Variants in MRGPRX2 observed in about 807,000 individuals in gnomAD.
MRGPRX2 encodes the protein mas-related G protein-coupled receptor member X2.
For synonymous variants in MRGPRX2, 183 were observed against 175.6 expected (o/e 1.04, Z -0.33); for missense variants, 389 against 404.5 (o/e 0.96, Z 0.33).
chr11:19,055,697 C>T lies in MRGPRX2; in HGVS notation c.706G>A (p.Gly236Ser), dbSNP rs747335673. 5 of 1,614,134 alleles carry T rather than the reference C, an allele frequency of 3.1e-6. No individual in the cohort carries two copies. The South Asian group carries it at 4.4e-5, about 14-fold the overall frequency. Reference sequence around the variant, plus strand: ...AACCACTGAATGCCAAAGGGCAGGCCGCAGAGGAGGAACACCAGCACTGTG... The same window carrying T: ...AACCACTGAATGCCAAAGGGCAGGCTGCAGAGGAGGAACACCAGCACTGTG... Reference protein sequence around the residue: ...LLTVLVFLLCGLPFGIQWFLI... With the variant: ...LLTVLVFLLCSLPFGIQWFLI... Residue 236 changes from glycine (G) to serine (S), a missense_variant, in exon 2 of 2, where the codon GGC becomes AGC. Physicochemically the swap from Gly to Ser is moderately conservative, Grantham distance 56. Coordinates refer to ENST00000329773, the MANE Select transcript of MRGPRX2 (RefSeq NM_054030.4).
rs570926518 is a variant in MRGPRX2, at chr11:19,056,063, G to C, written c.340C>G (p.Leu114Val). The part of the protein sequence containing the change: ...FFTTVMTCAY[L>V]AGLSMLSTVS... ...GTGCTCAGCATGCTCAGGCCTGCAA[G>C]GTAGGCACAGGTCATCACAGTGGTG... Residue 114 changes from leucine to valine, a missense_variant, in exon 2 of 2, where the codon CTT (leucine) becomes GTT (valine). Transcript: ENST00000329773. The C allele has an allele frequency of 5.6e-6, 9 of 1,614,234 alleles. No individual in the cohort carries two copies. The highest frequency in any genetic ancestry group is 7.6e-6 in the Non-Finnish European group (9 of 1,180,048).
At chr11:19,059,645 T>C (rs77080687) in intron 1 of MRGPRX2, among the ~76,000 whole-genome samples, 2,921 of 152,162 alleles carry the variant, frequency 0.019, 128 homozygotes, top group East Asian at 0.18. Context: ...GAGAAATTGA[T>C]TCAATCACAT....
In MRGPRX2 at chr11:19,055,700, A is replaced by AGAGGAGGAACACCAGCACTGT. The variant is rs1849608497; in HGVS notation, c.682_702dup (p.Thr228_Leu234dup). The AGAGGAGGAACACCAGCACTGT allele has an allele frequency of 6.2e-7, 1 of 1,614,102 alleles. No individual in the cohort carries two copies. Among genetic ancestry groups the AGAGGAGGAACACCAGCACTGT allele is most frequent in the African/African-American group, 1.3e-5 (1 of 74,944 alleles). On this transcript the variant is annotated inframe_insertion, in exon 2 of 2. Coordinates refer to ENST00000329773, the MANE Select transcript of MRGPRX2 (RefSeq NM_054030.4). ...CACTGAATGCCAAAGGGCAGGCCGC[A>AGAGGAGGAACACCAGCACTGT]GAGGAGGAACACCAGCACTGTGAGC... is the stretch of plus-strand genomic sequence containing the variant.
chr11:19,056,507 C>T, intron 1 of MRGPRX2, 80 bp from the exon 2 acceptor site: 2 of 1,349,746 alleles, frequency 1.5e-6, no homozygotes, highest in Admixed American at 2.2e-5. Flanking sequence ...GTAATTACCG[C>T]CCCTGTTTTA....
intron 1 of MRGPRX2, among the ~76,000 whole-genome samples, chr11:19,059,559 A>G (rs1017098481): frequency 6.6e-6 from 1 of 152,128 alleles, no homozygotes; most frequent in Non-Finnish European, 1.5e-5. Context: ...ATTTATGATG[A>G]TAGTGAGAGA....
In MRGPRX2 at chr11:19,054,541, C is replaced by T. The variant is rs755889368; in HGVS notation, c.*869G>A. 3 of 152,092 alleles carry T rather than the reference C, an allele frequency of 2.0e-5. No homozygotes were observed. Among genetic ancestry groups the T allele is most frequent in the Admixed American group, 6.5e-5 (1 of 15,276 alleles). The allele number at this position is 152,092 out of a possible 1,614,324, so 9.4% of individuals were successfully genotyped here. On this transcript the variant is annotated 3_prime_UTR_variant, in exon 2 of 2. Transcript: ENST00000329773. Reference sequence around the variant, plus strand: ...AACAAAATAAATGCTCCGAGTTCTTCGGAATAAAAGGTAAATCTGACATAC... The same window carrying T: ...AACAAAATAAATGCTCCGAGTTCTTTGGAATAAAAGGTAAATCTGACATAC...
At chr11:19,059,322 C>T (rs775389710) in intron 1 of MRGPRX2, among the ~76,000 whole-genome samples, 11 of 152,070 alleles carry the variant, frequency 7.2e-5, no homozygotes, top group East Asian at 1.9e-4. Context: ...GTAAGGGTAC[C>T]GCTTTAGGGA....
rs191096747 is a variant in MRGPRX2 at position 19,057,845 on chromosome 11, G to A, written c.-25-1418C>T. 2.6e-5 allele frequency among the ~76,000 whole-genome samples: 4 copies of A among 152,286 alleles called. No homozygotes were observed. In the East Asian group the frequency reaches 7.7e-4, roughly 29 times the overall value. ...CAGAGAAGGAGATTAAAGCACAAAT[G>A]TATTGAGTAATATGCTTCAGGTCTC... On this transcript the variant is annotated intron_variant, in intron 1 of 1. Coordinates refer to ENST00000329773, the MANE Select transcript of MRGPRX2 (RefSeq NM_054030.4).
In MRGPRX2 at chr11:19,055,794, C is replaced by G. The variant is rs1436935961; in HGVS notation, c.609G>C (p.Leu203=). The change falls in exon 2 of 2, where the codon CTG becomes CTC. Residue 203 remains leucine (L), a synonymous_variant. Transcript: ENST00000329773. ...FLFMVLCGSS[L]ALLVRILCGS... is the part of the protein sequence containing the mutation. The stretch of plus-strand genomic sequence containing the variant: ...CACAGAGGATCCTGACCAGCAGGGC[C>G]AGACTGGACCCACAGAGAACCATGA... The G allele has an allele frequency of 6.2e-7, 1 of 1,614,138 alleles. No homozygotes were observed. Among genetic ancestry groups the G allele is most frequent in the Non-Finnish European group, 8.5e-7 (1 of 1,180,028 alleles).
Position 19,055,452 on chromosome 11 carries a change from G to A in MRGPRX2, c.951C>T (p.Phe317=). Reference sequence around the variant, plus strand: ...TCGACATCTCCGGGGTGCCCTGACGGAAGCATCCTTCACTGTGATCCACCT... The same window carrying A: ...TCGACATCTCCGGGGTGCCCTGACGAAAGCATCCTTCACTGTGATCCACCT... ...IAEVDHSEGC[F]RQGTPEMSRS... is the part of the protein sequence containing the mutation. The change falls in exon 2 of 2, where the codon TTC becomes TTT. Residue 317 remains phenylalanine, a synonymous_variant. Transcript: ENST00000329773. 6.2e-7 allele frequency: 1 copy of A among 1,611,494 alleles called. No individual in the cohort carries two copies. The highest frequency in any genetic ancestry group is 8.5e-7 in the Non-Finnish European group (1 of 1,177,744).
Position 19,055,834 on chromosome 11 carries a change from C to T in MRGPRX2, c.569G>A (p.Trp190Ter). ...GAGAACCATGAATAAAAAAATCAGCCACGCTGCAGTGATGAAATCAAATGT... is the reference window on the plus strand; with the variant it reads ...GAGAACCATGAATAAAAAAATCAGCTACGCTGCAGTGATGAAATCAAATGT... ...CQTFDFITAA[W>*]LIFLFMVLCG... The change falls in exon 2 of 2, where the codon TGG becomes TAG. Residue 190 changes from tryptophan to a stop codon, truncating the protein, a stop_gained. Coordinates refer to ENST00000329773, the MANE Select transcript of MRGPRX2 (RefSeq NM_054030.4). LOFTEE classifies it low-confidence loss of function (END_TRUNC). The T allele has an allele frequency of 6.2e-7, 1 of 1,614,154 alleles. No individual in the cohort carries two copies. The highest frequency in any genetic ancestry group is 8.5e-7 in the Non-Finnish European group (1 of 1,180,038).
intron 1 of MRGPRX2, among the ~76,000 whole-genome samples, chr11:19,057,577 A>T (rs2133315918): frequency 6.6e-6 from 1 of 152,316 alleles, no homozygotes; most frequent in South Asian, 2.1e-4. Flanking sequence ...TTCTTTGCAA[A>T]TTAAAGCATT....
chr11:19,056,173 A>G lies in MRGPRX2; in HGVS notation c.230T>C (p.Leu77Pro), dbSNP rs760119909. 3.7e-6 allele frequency: 6 copies of G among 1,614,222 alleles called. No individual in the cohort carries two copies. The highest frequency in any genetic ancestry group is 4.2e-6 in the Non-Finnish European group (5 of 1,180,034). The change falls in exon 2 of 2, where the codon CTC becomes CCC. Residue 77 changes from leucine (L) to proline (P), a missense_variant. Leu to Pro is a moderately conservative substitution (Grantham distance 98, BLOSUM62 -3). Transcript: ENST00000329773. ...ATTTATAATCTGGAAGCAGAGGAAGAGGAAGTCGGCCCCGGCCAGGCTGAG... is the reference window on the plus strand; with the variant it reads ...ATTTATAATCTGGAAGCAGAGGAAGGGGAAGTCGGCCCCGGCCAGGCTGAG... Reference protein sequence around the residue: ...YVLSLAGADFLFLCFQIINCL... With the variant: ...YVLSLAGADFPFLCFQIINCL...
chr11:19,059,925 C>G (rs1590040547), intron 1 of MRGPRX2, among the ~76,000 whole-genome samples: 1 of 152,306 alleles, frequency 6.6e-6, no homozygotes, highest in East Asian at 1.9e-4. Flanking sequence ...TTTCCTGGCT[C>G]TCTCCCTGCG....
Position 19,055,449 on chromosome 11 carries a change from A to T in MRGPRX2, c.954T>A (p.Arg318=), listed in dbSNP as rs185158388. The T allele has an allele frequency of 5.6e-6, 9 of 1,610,870 alleles. No individual in the cohort carries two copies. In the East Asian group the frequency reaches 1.3e-4, roughly 24 times the overall value. ...AEVDHSEGCF[R]QGTPEMSRSS... ...TTCTCGACATCTCCGGGGTGCCCTGACGGAAGCATCCTTCACTGTGATCCA... is the reference window on the plus strand; with the variant it reads ...TTCTCGACATCTCCGGGGTGCCCTGTCGGAAGCATCCTTCACTGTGATCCA... The change falls in exon 2 of 2, where the codon CGT becomes CGA. Residue 318 remains arginine, a synonymous_variant. Transcript: ENST00000329773.
In MRGPRX2 at chr11:19,055,394, T is replaced by A; in HGVS notation, c.*16A>T. 1 of 1,586,566 alleles carries A rather than the reference T, an allele frequency of 6.3e-7. No individual in the cohort carries two copies. On this transcript the variant is annotated 3_prime_UTR_variant, in exon 2 of 2. Transcript: ENST00000329773. Reference sequence around the variant, plus strand: ...CAAAGCCACATATATCTGATGGAAGTAGAGGCTGTCCATCTCTACACCAGA... The same window carrying A: ...CAAAGCCACATATATCTGATGGAAGAAGAGGCTGTCCATCTCTACACCAGA...
Position 19,055,578 on chromosome 11 carries a change from GT to G in MRGPRX2, c.824del (p.Asn275ThrfsTer101), listed in dbSNP as rs1480763380. 2 of 1,614,194 alleles carry G rather than the reference GT, an allele frequency of 1.2e-6. No homozygotes were observed. Among genetic ancestry groups the G allele is most frequent in the Non-Finnish European group, 1.7e-6 (2 of 1,180,042 alleles). ...VVLSSLNSSA[N>X]PIIYFFVGSF... ...AGCCCACGAAGAAGTAAATGATGGG[GT>G]TGGCACTGCTGTTAAGAGATGACAG... On this transcript the variant is annotated frameshift_variant, in exon 2 of 2. Coordinates refer to ENST00000329773, the MANE Select transcript of MRGPRX2 (RefSeq NM_054030.4). LOFTEE classifies it low-confidence loss of function (END_TRUNC).
At position 19,056,124 on chromosome 11, in the gene MRGPRX2, G is replaced by A. The variant is rs777864411; in HGVS notation, c.279C>T (p.Phe93=). Residue 93 remains phenylalanine (F), a synonymous_variant, in exon 2 of 2, where the codon TTC becomes TTT. Coordinates refer to ENST00000329773, the MANE Select transcript of MRGPRX2 (RefSeq NM_054030.4). The stretch of plus-strand genomic sequence containing the variant: ...GGAAATTGATGGAGATGGAACAGAA[G>A]AAGTTACTGAGGTACACCAGGCAAT... The part of the protein sequence containing the change: ...IINCLVYLSN[F]FCSISINFPS... 5 of 1,614,128 alleles carry A rather than the reference G, an allele frequency of 3.1e-6. No individual in the cohort carries two copies. Among genetic ancestry groups the A allele is most frequent in the Admixed American group, 1.7e-5 (1 of 60,010 alleles).
chr11:19,056,040 G>A lies in MRGPRX2; in HGVS notation c.363C>T (p.Ser121=). 1 of 1,614,202 alleles carries A rather than the reference G, an allele frequency of 6.2e-7. No individual in the cohort carries two copies. Among genetic ancestry groups the A allele is most frequent in the Non-Finnish European group, 8.5e-7 (1 of 1,180,026 alleles). Residue 121 remains serine (S), a synonymous_variant, in exon 2 of 2, where the codon AGC becomes AGT. Transcript: ENST00000329773. ...CAYLAGLSML[S]TVSTERCLSV... is the part of the protein sequence containing the mutation. ...ACAGGCAGCGCTCGGTGCTGACGGTGCTCAGCATGCTCAGGCCTGCAAGGT... is the reference window on the plus strand; with the variant it reads ...ACAGGCAGCGCTCGGTGCTGACGGTACTCAGCATGCTCAGGCCTGCAAGGT...
Sources: gnomAD v4.1 joint callset for allele counts (sites outside exome capture counted in the v4.1 genomes callset) on GRCh38, gnomAD v4.1.1 for gene constraint, MANE v1.5 for transcripts, NCBI Gene and HGNC (gene_info 2026-07-23, HGNC 2026-07-21) for gene names.